NECTIN3: variants seen among roughly 807,000 people sequenced by gnomAD.
The protein encoded by NECTIN3 is nectin-3.
Under a neutral mutation model 49.4 loss-of-function variants are expected in NECTIN3, and 8 were observed. The ratio of observed to expected loss-of-function variants is 0.16; its 90% CI spans 0.10 to 0.29. The LOEUF is 0.29. Ranked by LOEUF, NECTIN3 falls within the 10% of genes least tolerant of loss-of-function variation. NECTIN3 has a pLI of 1.00. For synonymous variants in NECTIN3, 277 were observed against 241.1 expected (o/e 1.15, Z -1.38); for missense variants, 581 against 654.6 (o/e 0.89, Z 1.23).
At position 111,135,633 on chromosome 3, in the gene NECTIN3, A is replaced by G; in HGVS notation, c.*1418A>G. ...AAATGAAGTGGAAGTTAGTAGGAGA[A>G]TCATAAATTAAATATATTATTTTGT... On this transcript the variant is annotated 3_prime_UTR_variant, in exon 6 of 6. Transcript: ENST00000485303. 1.0e-6 allele frequency: 1 copy of G among 963,560 alleles called. No homozygotes were observed. The highest frequency in any genetic ancestry group is 1.2e-6 in the Non-Finnish European group (1 of 810,212). 59.7% of individuals were successfully genotyped at this position (963,560 alleles called of 1,614,324 possible). A position where few individuals can be genotyped will look rare whatever the true frequency, so the allele number is the denominator to read the frequency against.
Position 111,182,199 on chromosome 3 carries a change from G to A in NECTIN3, c.1222-10152G>A, listed in dbSNP as rs115568457. 9.3e-3 allele frequency among the ~76,000 whole-genome samples: 1,414 copies of A among 151,932 alleles called. 21 individuals are homozygous for A. Among genetic ancestry groups the A allele is most frequent in the African/African-American group, 0.032 (1,345 of 41,496 alleles). ...TTTTTTATGGTTAGAAAATATATCT[G>A]TTTCACTTCAATCTTTTAAGTATAT... On this transcript the variant is annotated intron_variant, in intron 7 of 8. Coordinates refer to the NECTIN3 transcript ENST00000493615.
chr3:111,113,859 C>G lies in NECTIN3; in HGVS notation c.502+1488C>G, dbSNP rs140028424. ...ATTAGCCAGGCATGGTAGTGCATGC[C>G]TGTAATCCCAGCTACTCGGGTGGCT... is the stretch of plus-strand genomic sequence containing the variant. On this transcript the variant is annotated intron_variant, in intron 2 of 5. Transcript: ENST00000485303. Among the ~76,000 whole-genome samples, 462 of 152,200 alleles carry G rather than the reference C, an allele frequency of 3.0e-3. 3 individuals are homozygous for G. Among genetic ancestry groups the G allele is most frequent in the African/African-American group, 0.01 (426 of 41,532 alleles).
At position 111,135,341 on chromosome 3, in the gene NECTIN3, G is replaced by A. The variant is rs1408631948; in HGVS notation, c.*1126G>A. On this transcript the variant is annotated 3_prime_UTR_variant, in exon 6 of 6. Transcript: ENST00000485303. The stretch of plus-strand genomic sequence containing the variant: ...TTTTTCCTCCTAAGTGTATGTATGT[G>A]TTTTAAGATTTCTGTTTTTACGATT... The A allele has an allele frequency of 1.1e-6, 1 of 943,914 alleles. No homozygotes were observed. Among genetic ancestry groups the A allele is most frequent in the Non-Finnish European group, 1.3e-6 (1 of 792,668 alleles). The allele number at this position is 943,914 out of a possible 1,614,324, so 58.5% of individuals were successfully genotyped here.
At chr3:111,156,957 G>A (rs1218483305) in intron 7 of NECTIN3, among the ~76,000 whole-genome samples, 1 of 152,170 alleles carries the variant, frequency 6.6e-6, no homozygotes, top group Non-Finnish European at 1.5e-5. Context: ...GGGGCAAGCA[G>A]TTAGCCAGTT....
chr3:111,124,037 G>A (rs1175399755), intron 4 of NECTIN3, among the ~76,000 whole-genome samples: 1 of 152,018 alleles, frequency 6.6e-6, no homozygotes, highest in East Asian at 1.9e-4. Flanking sequence ...TCTTCCTGGT[G>A]GGATTTTATG....
At chr3:111,174,761 G>A (rs2035495395) in intron 7 of NECTIN3, among the ~76,000 whole-genome samples, 1 of 151,944 alleles carries the variant, frequency 6.6e-6, no homozygotes, top group Admixed American at 6.6e-5. Flanking sequence ...CAGACAGACA[G>A]GTGCAAGAGC....
intron 1 of NECTIN3, among the ~76,000 whole-genome samples, chr3:111,100,672 A>G (rs556704189): frequency 3.3e-5 from 5 of 152,246 alleles, no homozygotes; most frequent in African/African-American, 1.2e-4. Context: ...ATTAAAACTC[A>G]TTTAAATATT....
At chr3:111,146,131 C>A (rs1420886291) in intron 6 of NECTIN3, among the ~76,000 whole-genome samples, 1 of 152,144 alleles carries the variant, frequency 6.6e-6, no homozygotes, top group Non-Finnish European at 1.5e-5. Context: ...TGGAGTGCTT[C>A]AGTCTTTCAA....
chr3:111,181,318 G>A (rs1264784514), intron 7 of NECTIN3, among the ~76,000 whole-genome samples: 4 of 152,160 alleles, frequency 2.6e-5, no homozygotes, highest in Non-Finnish European at 5.9e-5. Flanking sequence ...TTGCTGAGAA[G>A]TGTCCTATTT....
chr3:111,138,895 T>TGG (rs2034669525), downstream of NECTIN3, among the ~76,000 whole-genome samples: 1 of 151,656 alleles, frequency 6.6e-6, no homozygotes, highest in Admixed American at 6.6e-5. Flanking sequence ...AGGGAAAACC[T>TGG]AATTGTAAAG....
intron 7 of NECTIN3, among the ~76,000 whole-genome samples, chr3:111,184,868 G>A (rs974792329): frequency 6.6e-6 from 1 of 152,156 alleles, no homozygotes; most frequent in African/African-American, 2.4e-5. Flanking sequence ...AGTTTTGTTA[G>A]GATGGTTATA....
intron 7 of NECTIN3, among the ~76,000 whole-genome samples, chr3:111,157,785 C>T (rs1047852874): frequency 3.8e-4 from 57 of 151,928 alleles, no homozygotes; most frequent in Non-Finnish European, 4.6e-4. Flanking sequence ...ATCTTGACTC[C>T]TTTTTTTCCC....
intron 1 of NECTIN3, among the ~76,000 whole-genome samples, chr3:111,110,492 G>T (rs2033411094): frequency 6.6e-6 from 1 of 151,840 alleles, no homozygotes; most frequent in Non-Finnish European, 1.5e-5. Context: ...ACTTGGCTGT[G>T]TAGTTTTCTT....
chr3:111,157,612 A>T (rs564727834), intron 7 of NECTIN3, among the ~76,000 whole-genome samples: 1 of 152,256 alleles, frequency 6.6e-6, no homozygotes, highest in Admixed American at 6.5e-5. Context: ...CAGTGTAAAG[A>T]TGATGTTTCC....
intron 1 of NECTIN3, among the ~76,000 whole-genome samples, chr3:111,088,918 CA>C (rs1365235440): frequency 2.0e-5 from 3 of 151,934 alleles, no homozygotes; most frequent in African/African-American, 7.3e-5. Flanking sequence ...CTTTGTTTTG[CA>C]GAATTCATCT....
downstream of NECTIN3, among the ~76,000 whole-genome samples, chr3:111,141,645 CTT>C (rs1337285497): frequency 6.6e-6 from 1 of 151,820 alleles, no homozygotes; most frequent in Non-Finnish European, 1.5e-5. Context: ...GGAGAATGCT[CTT>C]TTTCTATTTT....
At chr3:111,104,108 C>G (rs2033055581) in intron 1 of NECTIN3, among the ~76,000 whole-genome samples, 1 of 152,110 alleles carries the variant, frequency 6.6e-6, no homozygotes, top group Admixed American at 6.6e-5. Flanking sequence ...TGTGGTTTTA[C>G]CATTTTACAG....
intron 5 of NECTIN3, 148 bp from the exon 6 acceptor site, chr3:111,133,487 T>C: frequency 8.3e-7 from 1 of 1,200,150 alleles, no homozygotes; most frequent in Non-Finnish European, 1.1e-6. Context: ...CACTACATTC[T>C]AATCTTAATC....
chr3:111,158,601 C>T (rs916649527), intron 7 of NECTIN3, among the ~76,000 whole-genome samples: 6 of 152,016 alleles, frequency 3.9e-5, no homozygotes, highest in African/African-American at 1.4e-4. Context: ...AAGGTAGTTA[C>T]AAAGTTGAAT....
Sources: allele counts gnomAD v4.1 joint callset (sites outside exome capture counted in the v4.1 genomes callset), GRCh38; gene constraint gnomAD v4.1.1; transcripts MANE v1.5; gene names NCBI Gene and HGNC (gene_info 2026-07-23, HGNC 2026-07-21).